Variants in ASPM observed in about 807,000 individuals in gnomAD.
ASPM encodes the protein assembly factor for spindle microtubules.
A neutral mutation model predicts 366.4 loss-of-function variants in ASPM; 256 were observed. The observed-to-expected ratio is 0.70, with a 90% confidence interval of 0.63 to 0.77. The LOEUF (loss-of-function observed/expected upper bound fraction) is 0.77, where lower values mean the gene tolerates loss of function less well. Ranked by LOEUF, ASPM falls within the 30% of genes least tolerant of loss-of-function variation. ASPM has a pLI of 0.00. For missense variants in ASPM, 4,146 were observed against 4,090.4 expected, an observed-to-expected ratio of 1.01 and a Z score of -0.37; for synonymous variants, 1,414 against 1,342.9, an observed-to-expected ratio of 1.05 and a Z score of -1.16.
rs199422163 is a variant in ASPM, at chr1:197,105,055, G to GT, written c.4195dup (p.Thr1399AsnfsTer20). 1 of 1,609,998 alleles carries GT rather than the reference G, an allele frequency of 6.2e-7. No homozygotes were observed. Among genetic ancestry groups the GT allele is most frequent in the Non-Finnish European group, 8.5e-7 (1 of 1,177,582 alleles). The stretch of plus-strand genomic sequence containing the variant: ...ATAAGCACGCCAATGCCTCTGAATT[G>GT]TAACTGTAGCCCAAAGATATCGTTT... On this transcript the variant is annotated frameshift_variant, in exon 18 of 28. Coordinates refer to ENST00000367409, the MANE Select transcript of ASPM (RefSeq NM_018136.5). LOFTEE classifies it high-confidence loss of function.
At chr1:197,114,026 G>A (rs376086287) in intron 17 of ASPM, among the ~76,000 whole-genome samples, 1 of 38,068 alleles carries the variant, frequency 2.6e-5, no homozygotes, top group Non-Finnish European at 1.2e-4. Context: ...AAAAACTCTT[G>A]GATAGTTGAA....
chr1:197,140,842 G>C (rs534890365), intron 3 of ASPM, among the ~76,000 whole-genome samples: 44 of 152,246 alleles, frequency 2.9e-4, no homozygotes, highest in African/African-American at 1.0e-3. Flanking sequence ...AATCAGAGGA[G>C]AGTTATTTTA....
Position 197,094,073 on chromosome 1 carries a change from T to G in ASPM, c.9084+11A>C. ...TAGTTATTTGCAAGTGAATTAATTT[T>G]TAATACCTACTTTTATCATTAAGAA... On this transcript the variant is annotated intron_variant, in intron 20 of 27. Coordinates refer to ENST00000367409, the MANE Select transcript of ASPM (RefSeq NM_018136.5). 6.7e-7 allele frequency: 1 copy of G among 1,486,194 alleles called. No individual in the cohort carries two copies. 92.1% of individuals were successfully genotyped at this position (1,486,194 alleles called of 1,614,324 possible). A position where few individuals can be genotyped will look rare whatever the true frequency, so the allele number is the denominator to read the frequency against.
rs1305041722 is a variant in ASPM, at chr1:197,093,233, G to A, written c.9113C>T (p.Ala3038Val). The A allele has an allele frequency of 1.9e-6, 3 of 1,612,114 alleles. No individual in the cohort carries two copies. Among genetic ancestry groups the A allele is most frequent in the Non-Finnish European group, 2.5e-6 (3 of 1,178,798 alleles). The change falls in exon 21 of 28, where the codon GCA becomes GTA. Residue 3038 changes from alanine to valine, a missense_variant. By Grantham distance (64) the Ala-to-Val change is moderately conservative (BLOSUM62 0). Coordinates refer to ENST00000367409, the MANE Select transcript of ASPM (RefSeq NM_018136.5). ...CCTTCCTTTATATCCTCTATAATGT[G>A]CTTGGATCAAACAAGCAGCTCGATG... ...KRHRAACLIQ[A>V]HYRGYKGRQV...
At position 197,143,797 on chromosome 1, in the gene ASPM, T is replaced by A; in HGVS notation, c.455A>T (p.Asp152Val). 1 of 1,611,864 alleles carries A rather than the reference T, an allele frequency of 6.2e-7. No homozygotes were observed. Among genetic ancestry groups the A allele is most frequent in the East Asian group, 2.2e-5 (1 of 44,862 alleles). ...EQKKKKRSLW[D>V]TIKKKKISAS... ...TGAAATTTTCTTCTTTTTAATGGTA[T>A]CCCAAAGACTCCTCTGCAAAAATAA... Residue 152 changes from aspartate to valine, a missense_variant, in exon 3 of 28, where the codon GAT (aspartate) becomes GTT (valine). Physicochemically the swap from Asp to Val is radical, Grantham distance 152. Around this residue, in one of 3 missense-constraint regions of ASPM, gnomAD observed 512 missense variants for 471.7 expected, o/e 1.09. Transcript: ENST00000367409.
In ASPM at chr1:197,103,730, T is replaced by C. The variant is rs1459869927; in HGVS notation, c.5521A>G (p.Arg1841Gly). The change falls in exon 18 of 28, where the codon AGG (arginine) becomes GGG (glycine). Residue 1841 changes from arginine (R) to glycine (G), a missense_variant. Coordinates refer to ENST00000367409, the MANE Select transcript of ASPM (RefSeq NM_018136.5). ...IQSAFRGYNKRVKYQSVLQSI... is the reference protein window; with the variant it reads ...IQSAFRGYNKGVKYQSVLQSI... ...TGAAGCACAGATTGATATTTTACCC[T>C]TTTATTATAGCCTCTAAAAGCAGAC... 1.2e-5 allele frequency: 20 copies of C among 1,612,644 alleles called. No individual in the cohort carries two copies. Among genetic ancestry groups the C allele is most frequent in the Non-Finnish European group, 1.7e-5 (20 of 1,179,272 alleles).
At chr1:197,109,270 T>C (rs6703400) in intron 17 of ASPM, among the ~76,000 whole-genome samples, 115,840 of 151,932 alleles carry the variant, frequency 0.76, 48,458 homozygotes, top group East Asian at 0.98. Flanking sequence ...ATTACACAGA[T>C]GCAAAACTCT....
intron 4 of ASPM, among the ~76,000 whole-genome samples, chr1:197,136,015 C>G (rs890357412): frequency 6.6e-6 from 1 of 152,118 alleles, no homozygotes; most frequent in African/African-American, 2.4e-5. Context: ...GCAACTCTCA[C>G]AGACAAGGGA....
chr1:197,128,432 T>C (rs1658154726), intron 10 of ASPM, 58 bp downstream of exon 10: 1 of 1,516,936 alleles, frequency 6.6e-7, no homozygotes, highest in Admixed American at 1.7e-5. Flanking sequence ...AAAAAAGTGT[T>C]TTCCAGAAAA....
At position 197,101,098 on chromosome 1, in the gene ASPM, A is replaced by G; in HGVS notation, c.8153T>C (p.Ile2718Thr). 1 of 1,612,006 alleles carries G rather than the reference A, an allele frequency of 6.2e-7. No individual in the cohort carries two copies. The highest frequency in any genetic ancestry group is 8.5e-7 in the Non-Finnish European group (1 of 1,178,882). ...YETKKTAIVV[I>T]QNYYRLYVRV... ...AACATACAACCTATAATAATTCTGTATAACCACAATTGCAGTTTTCTTTGT... is the reference window on the plus strand; with the variant it reads ...AACATACAACCTATAATAATTCTGTGTAACCACAATTGCAGTTTTCTTTGT... The change falls in exon 18 of 28, where the codon ATA (isoleucine) becomes ACA (threonine). Residue 2718 changes from isoleucine to threonine, a missense_variant. Transcript: ENST00000367409.
chr1:197,107,793 A>G (rs941101307), intron 17 of ASPM, among the ~76,000 whole-genome samples: 1 of 152,210 alleles, frequency 6.6e-6, no homozygotes, highest in Non-Finnish European at 1.5e-5. Context: ...GGTATGGCAC[A>G]ATAGCAGAAT....
At position 197,103,660 on chromosome 1, in the gene ASPM, A is replaced by C; in HGVS notation, c.5591T>G (p.Leu1864Arg). The change falls in exon 18 of 28, where the codon CTT becomes CGT. Residue 1864 changes from leucine (L) to arginine (R), a missense_variant. Leu to Arg is a moderately radical substitution (Grantham distance 102). Around this residue, in one of 3 missense-constraint regions of ASPM, gnomAD observed 3,624 missense variants for 3,591.7 expected, o/e 1.01. Coordinates refer to ENST00000367409, the MANE Select transcript of ASPM (RefSeq NM_018136.5). ...IQRWYRAYKT[L>R]HDTRTHFLKT... ...CAAAAAATGTGTTCTTGTATCATGA[A>C]GAGTCTTGTACGCCCTGTACCATCT... The C allele has an allele frequency of 1.2e-6, 2 of 1,612,942 alleles. No individual in the cohort carries two copies. The highest frequency in any genetic ancestry group is 1.7e-6 in the Non-Finnish European group (2 of 1,179,410).
chr1:197,095,927 T>C (rs1571593146), intron 19 of ASPM, 71 bp downstream of exon 19: 1 of 1,303,524 alleles, frequency 7.7e-7, no homozygotes, highest in East Asian at 2.4e-5. Flanking sequence ...ATAAGCAGTG[T>C]TATTTTATGT....
chr1:197,093,399 AATG>A lies in ASPM; in HGVS notation c.9085-141_9085-139del, dbSNP rs1656852578. 1.9e-5 allele frequency: 15 copies of A among 795,120 alleles called. No homozygotes were observed. The South Asian group carries it at 2.1e-4, about 11-fold the overall frequency. The allele number at this position is 795,120 out of a possible 1,614,324, so 49.3% of individuals were successfully genotyped here. The stretch of plus-strand genomic sequence containing the variant: ...AGAATGCCATGTTTCATAGATATGA[AATG>A]ATGATGAAGCATTATTTCTAAACTC... On this transcript the variant is annotated intron_variant, in intron 20 of 27. Transcript: ENST00000367409.
chr1:197,101,931 T>C lies in ASPM; in HGVS notation c.7320A>G (p.Lys2440=), dbSNP rs1657202303. 1 of 1,612,562 alleles carries C rather than the reference T, an allele frequency of 6.2e-7. No homozygotes were observed. Among genetic ancestry groups the C allele is most frequent in the African/African-American group, 1.3e-5 (1 of 74,814 alleles). The change falls in exon 18 of 28, where the codon AAA becomes AAG. Residue 2440 remains lysine, a synonymous_variant. Coordinates refer to ENST00000367409, the MANE Select transcript of ASPM (RefSeq NM_018136.5). The part of the protein sequence containing the change: ...LKKATIFVQR[K]YRATICAKHK... ...GTTTGGCACAAATGGTGGCTCGATA[T>C]TTCCTCTGAACAAAAATAGTAGCTT...
At chr1:197,134,405 T>C (rs960836689) in intron 5 of ASPM, among the ~76,000 whole-genome samples, 10 of 128,560 alleles carry the variant, frequency 7.8e-5, no homozygotes, top group African/African-American at 2.8e-4. Context: ...GAGTGAGACC[T>C]TGTCTCCAAC....
Position 197,102,785 on chromosome 1 carries a change from C to A in ASPM, c.6466G>T (p.Gly2156Cys), listed in dbSNP as rs1267196794. 10 of 1,612,382 alleles carry A rather than the reference C, an allele frequency of 6.2e-6. No individual in the cohort carries two copies. Among genetic ancestry groups the A allele is most frequent in the Non-Finnish European group, 7.6e-6 (9 of 1,179,188 alleles). Residue 2156 changes from glycine to cysteine, a missense_variant, in exon 18 of 28, where the codon GGT (glycine) becomes TGT (cysteine). By Grantham distance (159) the Gly-to-Cys change is radical (BLOSUM62 -3). This residue lies in a region of ASPM where 3,624 missense variants were observed against 3,591.7 expected (regional missense o/e 1.01). Transcript: ENST00000367409. ...IQVRCRAYYQ[G>C]KMQREKYLTI... ...AGGTACTTTTCACGCTGCATTTTAC[C>A]TTGATAATATGCTCTACATCTTACT...
chr1:197,140,015 T>C, intron 3 of ASPM, 144 bp from the exon 4 acceptor site: 1 of 617,488 alleles, frequency 1.6e-6, no homozygotes, highest in Non-Finnish European at 2.9e-6. Context: ...CACGCACTAA[T>C]GCTATGAATT....
chr1:197,126,451 AAAAAAAAAAAAAAAAAG>A (rs1367038822), intron 10 of ASPM, among the ~76,000 whole-genome samples: 11 of 146,440 alleles, frequency 7.5e-5, no homozygotes, highest in Admixed American at 6.3e-4. Context: ...AAAAAAAAAA[AAAAAAAAAAAAAAAAAG>A]GGAGGGGGAC....
Sources: gnomAD v4.1 joint callset for allele counts (sites outside exome capture counted in the v4.1 genomes callset) on GRCh38, gnomAD v4.1.1 for gene constraint, gnomAD v4.1.1 regional missense constraint, MANE v1.5 for transcripts, NCBI Gene and HGNC (gene_info 2026-07-23, HGNC 2026-07-21) for gene names.